The following CHN2 variants were observed in gnomAD, a reference collection of about 807,000 sequenced individuals.
CHN2 encodes the protein beta-chimaerin.
A neutral mutation model predicts 56.3 loss-of-function variants in CHN2; 35 were observed. The ratio of observed to expected loss-of-function variants is 0.62; its 90% CI spans 0.47 to 0.82. The LOEUF (loss-of-function observed/expected upper bound fraction) is 0.82. Among genes scored for constraint, CHN2 ranks in the 40% least tolerant of loss-of-function variants. The probability of loss-of-function intolerance (pLI) is 0.00; values close to 1 mark genes in which losing one functional copy is unlikely to be tolerated. For missense variants in CHN2, 491 were observed against 580.5 expected, an observed-to-expected ratio of 0.85 and a Z score of 1.58; for synonymous variants, 210 against 212.8, an observed-to-expected ratio of 0.99 and a Z score of 0.12.
At chr7:29,278,764 C>T (rs1444759517) in intron 1 of CHN2, among the ~76,000 whole-genome samples, 22 of 152,314 alleles carry the variant, frequency 1.4e-4, no homozygotes, top group Non-Finnish European at 4.4e-5. Context: ...TGAACCGCCA[C>T]CTGTTTGGCG....
chr7:29,408,154 C>T (rs1051306725), intron 6 of CHN2, among the ~76,000 whole-genome samples: 1 of 151,188 alleles, frequency 6.6e-6, no homozygotes, highest in African/African-American at 2.4e-5. Context: ...CACACCACTG[C>T]ACTCCAGCCT....
At chr7:29,222,159 G>A (rs1044913354) in intron 1 of CHN2, among the ~76,000 whole-genome samples, 1 of 152,202 alleles carries the variant, frequency 6.6e-6, no homozygotes, top group Admixed American at 6.5e-5. Context: ...AACAAGGGAA[G>A]TGAAGGACCT....
intron 1 of CHN2, among the ~76,000 whole-genome samples, chr7:29,233,261 T>C (rs1786861203): frequency 6.6e-6 from 1 of 152,256 alleles, no homozygotes; most frequent in Non-Finnish European, 1.5e-5. Context: ...ATTAAATTAG[T>C]TAAGTCATGT....
At chr7:29,450,235 G>C (rs529722362) in intron 6 of CHN2, among the ~76,000 whole-genome samples, 1 of 152,338 alleles carries the variant, frequency 6.6e-6, no homozygotes, top group African/African-American at 2.4e-5. Context: ...GAATGAGTTT[G>C]TTTTTAAGGA....
At chr7:29,387,244 C>CT (rs1800985486) in intron 3 of CHN2, among the ~76,000 whole-genome samples, 1 of 152,122 alleles carries the variant, frequency 6.6e-6, no homozygotes, top group Non-Finnish European at 1.5e-5. Context: ...CTCATCTAAT[C>CT]TGTGAAACAG....
intron 6 of CHN2, among the ~76,000 whole-genome samples, chr7:29,422,282 C>T (rs1300921052): frequency 9.2e-5 from 14 of 152,148 alleles, no homozygotes. Context: ...CTTTAAGCAG[C>T]CCTTTGAGTG....
At chr7:29,354,739 T>A in intron 2 of CHN2, 76 bp downstream of exon 2, 2 of 1,332,426 alleles carry the variant, frequency 1.5e-6, no homozygotes, top group Non-Finnish European at 2.2e-6. Context: ...GCCAGCGATG[T>A]AGTGCACACA....
At chr7:29,422,047 A>ATG (rs75865164) in intron 6 of CHN2, among the ~76,000 whole-genome samples, 137,071 of 152,056 alleles carry the variant, frequency 0.9, 61,934 homozygotes, top group Middle Eastern at 0.93. Flanking sequence ...TAATAGAAAA[A>ATG]TGTAACATTC....
chr7:29,464,073 A>G (rs1785376169), intron 6 of CHN2, among the ~76,000 whole-genome samples: 1 of 152,144 alleles, frequency 6.6e-6, no homozygotes, highest in Non-Finnish European at 1.5e-5. Context: ...CAGTCTTCTT[A>G]TGTGTGCATT....
intron 6 of CHN2, among the ~76,000 whole-genome samples, chr7:29,458,439 G>A (rs1784927697): frequency 1.3e-5 from 2 of 150,534 alleles, no homozygotes; most frequent in African/African-American, 4.9e-5. Context: ...ACAAATAGAT[G>A]TAGAATTCTA....
At chr7:29,480,493 T>A in intron 7 of CHN2, 137 bp downstream of exon 7, 3 of 907,130 alleles carry the variant, frequency 3.3e-6, no homozygotes, top group Non-Finnish European at 3.4e-6. Context: ...GCTATAAGCT[T>A]AACACCTGCG....
At chr7:29,220,325 A>G (rs1420460172) in intron 1 of CHN2, among the ~76,000 whole-genome samples, 2 of 151,118 alleles carry the variant, frequency 1.3e-5, no homozygotes, top group African/African-American at 4.9e-5. Context: ...CAGTAATTAT[A>G]GAAGTAGGAA....
chr7:29,238,878 T>C (rs1484371557), intron 1 of CHN2, among the ~76,000 whole-genome samples: 1 of 152,104 alleles, frequency 6.6e-6, no homozygotes, highest in Non-Finnish European at 1.5e-5. Context: ...CCAGAGTGGC[T>C]GGAGAAAATG....
chr7:29,367,273 T>G (rs1046014338), intron 2 of CHN2, among the ~76,000 whole-genome samples: 3 of 152,186 alleles, frequency 2.0e-5, no homozygotes, highest in African/African-American at 7.2e-5. Flanking sequence ...AGCCTGAAAG[T>G]CTGTCTTTAA....
intron 2 of CHN2, among the ~76,000 whole-genome samples, chr7:29,159,026 T>C (rs1362593326): frequency 1.3e-5 from 2 of 152,224 alleles, no homozygotes; most frequent in Non-Finnish European, 2.9e-5. Flanking sequence ...TCAGGGAATC[T>C]GCTATCAGAG....
chr7:29,257,422 A>G (rs1432568944), intron 1 of CHN2, among the ~76,000 whole-genome samples: 1 of 151,848 alleles, frequency 6.6e-6, no homozygotes, highest in African/African-American at 2.4e-5. Context: ...AGTGTCAGCA[A>G]CTCTGCTGTC....
At chr7:29,470,982 G>T (rs564284200) in intron 6 of CHN2, among the ~76,000 whole-genome samples, 1 of 152,336 alleles carries the variant, frequency 6.6e-6, no homozygotes, top group Admixed American at 6.5e-5. Context: ...AGGGCAAGAA[G>T]GAAGATAGTA....
intron 2 of CHN2, among the ~76,000 whole-genome samples, chr7:29,149,604 G>A (rs908263484): frequency 5.3e-5 from 8 of 152,184 alleles, no homozygotes; most frequent in Non-Finnish European, 1.0e-4. Flanking sequence ...TAACTGAGCA[G>A]CTATTAACAG....
chr7:29,490,779 T>C (rs1421790039), intron 7 of CHN2, among the ~76,000 whole-genome samples: 1 of 152,208 alleles, frequency 6.6e-6, no homozygotes, highest in Non-Finnish European at 1.5e-5. Flanking sequence ...TGAAATGTTA[T>C]TATATTATAT....
Sources: allele counts gnomAD v4.1 joint callset (sites outside exome capture counted in the v4.1 genomes callset), GRCh38; gene constraint gnomAD v4.1.1; transcripts MANE v1.5; gene names NCBI Gene and HGNC (gene_info 2026-07-23, HGNC 2026-07-21).